CNTN5: variants seen among roughly 807,000 people sequenced by gnomAD.
CNTN5 encodes contactin 5, also known as contactin-5.
CNTN5 carries 77 observed loss-of-function variants against 129.1 expected under a neutral mutation model. That is an observed-to-expected ratio of 0.60 (90% CI 0.50 to 0.72). The LOEUF is 0.72. Ranked by LOEUF, CNTN5 falls within the 30% of genes least tolerant of loss-of-function variation. The probability of loss-of-function intolerance (pLI) is 0.00; values close to 1 mark genes in which losing one functional copy is unlikely to be tolerated. For missense variants in CNTN5, 1,478 were observed against 1,328.8 expected (o/e 1.11, Z -1.75); for synonymous variants, 509 against 465.6 (o/e 1.09, Z -1.20).
chr11:100,039,908 G>T (rs897468458), intron 9 of CNTN5, among the ~76,000 whole-genome samples: 1 of 152,066 alleles, frequency 6.6e-6, no homozygotes, highest in South Asian at 2.1e-4. Context: ...TTTGCCATTG[G>T]TTCGAATTTC....
intron 1 of CNTN5, among the ~76,000 whole-genome samples, chr11:99,253,897 T>TTATATA (rs67720359): frequency 0.043 from 6,014 of 138,926 alleles, 141 homozygotes; most frequent in Middle Eastern, 0.063. Flanking sequence ...AAATATACGT[T>TTATATA]TATATATATA....
chr11:100,086,566 G>GTA (rs1448266919), intron 13 of CNTN5, among the ~76,000 whole-genome samples: 66 of 150,680 alleles, frequency 4.4e-4, no homozygotes, highest in African/African-American at 1.4e-3. Flanking sequence ...ATGTGTGTGT[G>GTA]TATATATATA....
At chr11:99,303,795 A>G (rs569569265) in intron 1 of CNTN5, among the ~76,000 whole-genome samples, 2 of 152,174 alleles carry the variant, frequency 1.3e-5, no homozygotes, top group African/African-American at 4.8e-5. Flanking sequence ...AAGTTCTAAA[A>G]AGTTAACAGG....
At chr11:99,024,926 C>T (rs930057602) in intron 1 of CNTN5, among the ~76,000 whole-genome samples, 1 of 151,860 alleles carries the variant, frequency 6.6e-6, no homozygotes, top group Admixed American at 6.6e-5. Flanking sequence ...GTGATCACTG[C>T]CATTTTTAAA....
chr11:99,481,718 C>T (rs543230614), intron 2 of CNTN5, among the ~76,000 whole-genome samples: 3 of 152,250 alleles, frequency 2.0e-5, no homozygotes, highest in East Asian at 3.9e-4. Flanking sequence ...TACTTCCCCA[C>T]CTGAATGAAT....
intron 9 of CNTN5, among the ~76,000 whole-genome samples, chr11:100,004,958 G>A (rs1940099852): frequency 6.6e-6 from 1 of 152,172 alleles, no homozygotes; most frequent in Admixed American, 6.6e-5. Context: ...CACTCTACAA[G>A]CCTGCGGATG....
intron 2 of CNTN5, among the ~76,000 whole-genome samples, chr11:99,332,710 A>G (rs1460511677): frequency 2.0e-5 from 3 of 152,052 alleles, no homozygotes; most frequent in Non-Finnish European, 2.9e-5. Flanking sequence ...GTGATGATCT[A>G]TTATCATCAG....
At chr11:99,144,486 G>T (rs570798700) in intron 1 of CNTN5, among the ~76,000 whole-genome samples, 6 of 152,184 alleles carry the variant, frequency 3.9e-5, no homozygotes, top group African/African-American at 1.4e-4. Context: ...ACATAAGGAG[G>T]TTTTCCACTA....
chr11:100,234,792 TA>T (rs781363668), intron 16 of CNTN5, among the ~76,000 whole-genome samples: 3,636 of 102,104 alleles, frequency 0.036, 82 homozygotes, highest in African/African-American at 0.083. Flanking sequence ...TCCCAGAATT[TA>T]AAAAAAAAAA....
At chr11:100,067,110 GAAGTC>G (rs1377185713) in intron 10 of CNTN5, among the ~76,000 whole-genome samples, 1 of 151,990 alleles carries the variant, frequency 6.6e-6, no homozygotes, top group Non-Finnish European at 1.5e-5. Context: ...ATCTGTTGTA[GAAGTC>G]AAGCTGATCT....
intron 3 of CNTN5, among the ~76,000 whole-genome samples, chr11:99,665,284 A>C (rs1952742889): frequency 6.6e-6 from 1 of 152,156 alleles, no homozygotes; most frequent in Non-Finnish European, 1.5e-5. Flanking sequence ...CCTGGAGTTA[A>C]GAAAGTTAGA....
chr11:99,620,078 G>A (rs1950892036), intron 3 of CNTN5, among the ~76,000 whole-genome samples: 1 of 150,496 alleles, frequency 6.6e-6, no homozygotes, highest in African/African-American at 2.4e-5. Flanking sequence ...TCTAAGCAAT[G>A]TTAATCTATA....
At chr11:99,558,336 C>G (rs1187420833) in intron 3 of CNTN5, 3 of 361,474 alleles carry the variant, frequency 8.3e-6, no homozygotes, top group Non-Finnish European at 1.1e-5. Flanking sequence ...ATAAAGGACA[C>G]CCAGTTAGAT....
At chr11:99,940,621 T>C (rs1950413051) in intron 7 of CNTN5, among the ~76,000 whole-genome samples, 1 of 152,142 alleles carries the variant, frequency 6.6e-6, no homozygotes, top group South Asian at 2.1e-4. Flanking sequence ...GATAAAATTA[T>C]TGATGAAAGT....
chr11:100,285,786 C>T (rs1591475879), intron 18 of CNTN5, among the ~76,000 whole-genome samples: 1 of 152,226 alleles, frequency 6.6e-6, no homozygotes, highest in Admixed American at 6.5e-5. Flanking sequence ...CTCCGGTCTA[C>T]AGCTCCCAGC....
chr11:99,615,759 T>TG (rs1565351084), intron 3 of CNTN5, among the ~76,000 whole-genome samples: 1 of 150,156 alleles, frequency 6.7e-6, no homozygotes, highest in African/African-American at 2.4e-5. Context: ...CACATCTTGT[T>TG]TTTTTTTTTT....
intron 1 of CNTN5, among the ~76,000 whole-genome samples, chr11:99,287,290 T>G (rs375717776): frequency 8.5e-5 from 13 of 152,290 alleles, no homozygotes; most frequent in African/African-American, 2.2e-4. Context: ...ATTATGTGTT[T>G]TCCTGGACAT....
intron 8 of CNTN5, among the ~76,000 whole-genome samples, chr11:99,993,364 T>C (rs1412753578): frequency 6.6e-6 from 1 of 152,130 alleles, no homozygotes. Flanking sequence ...CCTCTTTGAC[T>C]CTCAGTTACC....
intron 1 of CNTN5, among the ~76,000 whole-genome samples, chr11:99,293,540 A>T (rs538681564): frequency 1.2e-4 from 18 of 152,282 alleles, no homozygotes; most frequent in African/African-American, 4.3e-4. Flanking sequence ...CAATACAGCC[A>T]CTGGGTCCTA....
Sources: allele counts gnomAD v4.1 joint callset (sites outside exome capture counted in the v4.1 genomes callset), GRCh38; gene constraint gnomAD v4.1.1; transcripts MANE v1.5; gene names NCBI Gene and HGNC (gene_info 2026-07-23, HGNC 2026-07-21).